The following ZNF23 variants were observed in gnomAD, a reference collection of about 807,000 sequenced individuals.
The protein encoded by ZNF23 is kruppel-like zinc finger factor X31.
A neutral mutation model predicts 56.2 loss-of-function variants in ZNF23; 48 were observed. The observed-to-expected ratio is 0.85, with a 90% CI of 0.68 to 1.09. The LOEUF (loss-of-function observed/expected upper bound fraction) is 1.09, where lower values mean the gene tolerates loss of function less well. Ranked by LOEUF, ZNF23 falls within the 50% of genes least tolerant of loss-of-function variation. The pLI, the probability that ZNF23 is intolerant of heterozygous loss-of-function variation, is 0.00. For missense variants in ZNF23, 805 were observed against 811.4 expected, an observed-to-expected ratio of 0.99 and a Z score of 0.10; for synonymous variants, 266 against 283.3, an observed-to-expected ratio of 0.94 and a Z score of 0.61.
intron 4 of ZNF23, chr16:71,450,560 C>T: frequency 3.1e-6 from 1 of 327,396 alleles, no homozygotes; most frequent in South Asian, 2.2e-5. Context: ...CTCTACTAAA[C>T]CACAAAAAAT....
At chr16:71,456,023 T>C (rs1471325338) in intron 2 of ZNF23, 5 of 456,402 alleles carry the variant, frequency 1.1e-5, no homozygotes, top group East Asian at 6.9e-5. Flanking sequence ...TCCTGGAGCA[T>C]AGTAAGCCTC....
At position 71,449,854 on chromosome 16, in the gene ZNF23, C is replaced by T; in HGVS notation, c.300G>A (p.Lys100=). 1.2e-6 allele frequency: 2 copies of T among 1,606,980 alleles called. No homozygotes were observed. The highest frequency in any genetic ancestry group is 1.7e-6 in the Non-Finnish European group (2 of 1,178,140). Residue 100 remains lysine, a synonymous_variant, in exon 5 of 5, where the codon AAG becomes AAA. Transcript: ENST00000647773. ...CATTCTCTTTTCCTTCATACATTTC[C>T]TTTGTCAAATCATTGTCAGTCTGAA... The part of the protein sequence containing the change: ...VDIQTDNDLT[K]EMYEGKENVS...
At position 71,448,542 on chromosome 16, in the gene ZNF23, G is replaced by T. The variant is rs1030066903; in HGVS notation, c.1612C>A (p.His538Asn). 6.2e-7 allele frequency: 1 copy of T among 1,614,046 alleles called. No individual in the cohort carries two copies. Among genetic ancestry groups the T allele is most frequent in the South Asian group, 1.1e-5 (1 of 91,076 alleles). The change falls in exon 5 of 5, where the codon CAC (histidine) becomes AAC (asparagine). Residue 538 changes from histidine (H) to asparagine (N), a missense_variant. His to Asn is a moderately conservative substitution (Grantham distance 68). Transcript: ENST00000647773. The part of the protein sequence containing the change: ...FTSKRNLLDH[H>N]RIHTGEKPYQ... ...GGCTTTTCTCCAGTATGGATTCGGTGATGATCAAGTAGGTTTCTTTTAGAA... is the reference window on the plus strand; with the variant it reads ...GGCTTTTCTCCAGTATGGATTCGGTTATGATCAAGTAGGTTTCTTTTAGAA...
chr16:71,448,499 C>A lies in ZNF23; in HGVS notation c.1655G>T (p.Cys552Phe). The part of the protein sequence containing the change: ...TGEKPYQCKE[C>F]GKAFSINAKL... ...GGCATTGATACTGAAGGCTTTCCCA[C>A]ATTCCTTACATTGATAGGGCTTTTC... The change falls in exon 5 of 5, where the codon TGT becomes TTT. Residue 552 changes from cysteine to phenylalanine, a missense_variant. By Grantham distance (205) the Cys-to-Phe change is radical. Transcript: ENST00000647773. 1 of 1,614,236 alleles carries A rather than the reference C, an allele frequency of 6.2e-7. No individual in the cohort carries two copies. Among genetic ancestry groups the A allele is most frequent in the Non-Finnish European group, 8.5e-7 (1 of 1,180,040 alleles).
At chr16:71,456,500 A>G (rs1486942880) in intron 2 of ZNF23, among the ~76,000 whole-genome samples, 3 of 152,038 alleles carry the variant, frequency 2.0e-5, no homozygotes, top group African/African-American at 7.2e-5. Context: ...CCAGAGCCCT[A>G]TGCTGGGGGT....
rs758020926 is a variant in ZNF23 at position 71,449,567 on chromosome 16, G to C, written c.587C>G (p.Thr196Arg). 1.2e-6 allele frequency: 2 copies of C among 1,614,006 alleles called. No homozygotes were observed. The highest frequency in any genetic ancestry group is 1.1e-5 in the South Asian group (1 of 91,074). The change falls in exon 5 of 5, where the codon ACA (threonine) becomes AGA (arginine). Residue 196 changes from threonine to arginine, a missense_variant. Thr to Arg is a moderately conservative substitution (Grantham distance 71). Transcript: ENST00000647773. ...AATTATTTCATGCTTCACGAGTTTT[G>C]TATCAAAGCTGATGGATTTCCCCAA... ...TGLGKSISFD[T>R]KLVKHEIINS...
chr16:71,459,784 T>C (rs2043373491), intron 1 of ZNF23, among the ~76,000 whole-genome samples: 1 of 152,262 alleles, frequency 6.6e-6, no homozygotes, highest in African/African-American at 2.4e-5. Context: ...TATTGCATGA[T>C]GGTTATATAA....
chr16:71,453,420 T>C (rs2043122689), intron 3 of ZNF23, 70 bp from the exon 4 acceptor site: 1 of 1,186,308 alleles, frequency 8.4e-7, no homozygotes, highest in African/African-American at 1.5e-5. Flanking sequence ...AAGCCTCTTC[T>C]CAGACTGTCT....
intron 3 of ZNF23, 155 bp downstream of exon 3, chr16:71,453,887 C>T (rs2043135979): frequency 1.1e-6 from 1 of 897,582 alleles, no homozygotes; most frequent in Non-Finnish European, 1.7e-6. Flanking sequence ...TTGGCATTTG[C>T]CCCTGCCAGT....
intron 4 of ZNF23, chr16:71,452,253 C>T (rs1441670817): frequency 6.6e-6 from 1 of 152,116 alleles, no homozygotes; most frequent in Non-Finnish European, 1.5e-5. Context: ...CAAAACATGC[C>T]TTCTTTGGTC....
In ZNF23 at chr16:71,448,383, T is replaced by G; in HGVS notation, c.1771A>C (p.Ile591Leu). 1 of 1,614,146 alleles carries G rather than the reference T, an allele frequency of 6.2e-7. No homozygotes were observed. The highest frequency in any genetic ancestry group is 8.5e-7 in the Non-Finnish European group (1 of 1,180,008). ...CCTGTATGGATTCTCTGGTGCACAA[T>G]ATAGTTAGAACTACAGCTGAATGCT... is the stretch of plus-strand genomic sequence containing the variant. ...EKAFSCSSNY[I>L]VHQRIHTGEK... Residue 591 changes from isoleucine (I) to leucine (L), a missense_variant, in exon 5 of 5, where the codon ATT becomes CTT. By Grantham distance (5) the Ile-to-Leu change is conservative. Transcript: ENST00000647773.
rs977723133 is a variant in ZNF23 at position 71,457,100 on chromosome 16, CAAAT to C, written c.-32-276_-32-273del. On this transcript the variant is annotated intron_variant, in intron 1 of 4. Transcript: ENST00000647773. ...TATATATATAAAATTTAAAAATAAA[CAAAT>C]AAAAATTAAAAATAAAAAGAAGAAG... 3.9e-5 allele frequency among the ~76,000 whole-genome samples: 6 copies of C among 151,942 alleles called. 1 individual carries two copies. The highest frequency in any genetic ancestry group is 4.1e-4 in the South Asian group (2 of 4,828).
rs147682167 is a variant in ZNF23, at chr16:71,457,392, G to A, written c.-32-564C>T. On this transcript the variant is annotated intron_variant, in intron 1 of 4. Coordinates refer to ENST00000647773, the MANE Select transcript of ZNF23 (RefSeq NM_001381984.1). Reference sequence around the variant, plus strand: ...ATCCTGGCTAACACGGTGAAACCCCGTCTCTACTAAAAATATAAAAATTAG... The same window carrying A: ...ATCCTGGCTAACACGGTGAAACCCCATCTCTACTAAAAATATAAAAATTAG... Among the ~76,000 whole-genome samples, 450 of 152,264 alleles carry A rather than the reference G, an allele frequency of 3.0e-3. 1 individual carries two copies. Among genetic ancestry groups the A allele is most frequent in the Middle Eastern group, 0.01 (3 of 294 alleles).
chr16:71,453,865 C>T (rs745686427), intron 3 of ZNF23, 177 bp downstream of exon 3: 1 of 711,158 alleles, frequency 1.4e-6, no homozygotes. Context: ...CCTATATAGG[C>T]CTACAAAAGG....
Position 71,448,785 on chromosome 16 carries a change from G to A in ZNF23, c.1369C>T (p.His457Tyr), listed in dbSNP as rs757425580. ...CACTCATAGGGTTTCTCGCCTGTGT[G>A]AATTCTCTGGTGTTGGATTAACTTC... ...KGKLIQHQRI[H>Y]TGEKPYECNE... Residue 457 changes from histidine to tyrosine, a missense_variant, in exon 5 of 5, where the codon CAC becomes TAC. Coordinates refer to ENST00000647773, the MANE Select transcript of ZNF23 (RefSeq NM_001381984.1). 1 of 1,614,188 alleles carries A rather than the reference G, an allele frequency of 6.2e-7. No homozygotes were observed. Among genetic ancestry groups the A allele is most frequent in the South Asian group, 1.1e-5 (1 of 91,082 alleles).
chr16:71,456,155 T>C (rs2043224930), intron 2 of ZNF23: 1 of 435,366 alleles, frequency 2.3e-6, no homozygotes, highest in African/African-American at 2.0e-5. Flanking sequence ...TTTGCAGGTT[T>C]ATGTTCTGCA....
At position 71,453,227 on chromosome 16, in the gene ZNF23, T is replaced by C. The variant is rs765035804; in HGVS notation, c.268+16A>G. 1.3e-6 allele frequency: 2 copies of C among 1,586,410 alleles called. No individual in the cohort carries two copies. The highest frequency in any genetic ancestry group is 1.7e-6 in the Non-Finnish European group (2 of 1,161,784). ...TGCTAAATTCCAACAGAGTGGGAAA[T>C]ATGTACCTCCCTTACCAGTCTGGAG... is the stretch of plus-strand genomic sequence containing the variant. On this transcript the variant is annotated intron_variant, in intron 4 of 4. Coordinates refer to ENST00000647773, the MANE Select transcript of ZNF23 (RefSeq NM_001381984.1).
At chr16:71,459,041 T>TA (rs2145132750) in intron 1 of ZNF23, among the ~76,000 whole-genome samples, 1 of 152,370 alleles carries the variant, frequency 6.6e-6, no homozygotes, top group African/African-American at 2.4e-5. Context: ...AGGGGCAGTG[T>TA]AAGCACCACT....
Position 71,448,172 on chromosome 16 carries a change from C to A in ZNF23, c.1982G>T (p.Cys661Phe). Residue 661 changes from cysteine to phenylalanine, a missense_variant, in exon 5 of 5, where the codon TGT becomes TTT. Physicochemically the swap from Cys to Phe is radical, Grantham distance 205. Coordinates refer to ENST00000647773, the MANE Select transcript of ZNF23 (RefSeq NM_001381984.1). ...CCTGAATGCTTTCCCACACACACTACACATATAGGGTTTCTTCCAAGTGTG... is the reference window on the plus strand; with the variant it reads ...CCTGAATGCTTTCCCACACACACTAAACATATAGGGTTTCTTCCAAGTGTG... ...TVHTWKKPYM[C>F]SVCGKAFRFS... 1 of 1,614,248 alleles carries A rather than the reference C, an allele frequency of 6.2e-7. No individual in the cohort carries two copies. The highest frequency in any genetic ancestry group is 8.5e-7 in the Non-Finnish European group (1 of 1,180,038).
Sources: gnomAD v4.1 joint callset for allele counts (sites outside exome capture counted in the v4.1 genomes callset) on GRCh38, gnomAD v4.1.1 for gene constraint, MANE v1.5 for transcripts, NCBI Gene and HGNC (gene_info 2026-07-23, HGNC 2026-07-21) for gene names.